RCAN2: variants seen among roughly 807,000 people sequenced by gnomAD.
RCAN2 encodes the protein regulator of calcineurin 2.
RCAN2 carries 9 observed loss-of-function variants against 23.6 expected under a neutral mutation model. That is an observed-to-expected ratio of 0.38 (90% confidence interval 0.23 to 0.67). The LOEUF (loss-of-function observed/expected upper bound fraction) is 0.67, where lower values mean the gene tolerates loss of function less well. Among genes scored for constraint, RCAN2 ranks in the 30% least tolerant of loss-of-function variants. The pLI, the probability that RCAN2 is intolerant of heterozygous loss-of-function variation, is 0.51. For missense variants in RCAN2, 273 were observed against 302.3 expected (o/e 0.90, Z 0.72); for synonymous variants, 109 against 115.7 (o/e 0.94, Z 0.37).
chr6:46,332,355 A>G (rs1396053078), intron 2 of RCAN2, among the ~76,000 whole-genome samples: 1 of 151,938 alleles, frequency 6.6e-6, no homozygotes, highest in Non-Finnish European at 1.5e-5. Context: ...CATGTGCACA[A>G]TGTGCAGGTT....
At chr6:46,291,004 C>A (rs993010498) in intron 2 of RCAN2, among the ~76,000 whole-genome samples, 4 of 152,160 alleles carry the variant, frequency 2.6e-5, no homozygotes, top group Non-Finnish European at 5.9e-5. Context: ...CAAAGTGCAG[C>A]CCATTACCAG....
intron 1 of RCAN2, among the ~76,000 whole-genome samples, chr6:46,469,481 C>G (rs897865036): frequency 6.6e-6 from 1 of 152,122 alleles, no homozygotes; most frequent in South Asian, 2.1e-4. Context: ...AGTAAGATTT[C>G]TGAGGAAAAC....
chr6:46,487,238 T>C (rs977404835), intron 1 of RCAN2, among the ~76,000 whole-genome samples: 1 of 152,166 alleles, frequency 6.6e-6, no homozygotes, highest in Non-Finnish European at 1.5e-5. Context: ...GAAAACTCTG[T>C]GTTGTGGAAT....
intron 2 of RCAN2, among the ~76,000 whole-genome samples, chr6:46,452,842 C>T (rs191492557): frequency 6.8e-4 from 104 of 152,162 alleles, no homozygotes; most frequent in African/African-American, 9.2e-4. Context: ...ATGTAGATGA[C>T]GGGTTGATGG....
chr6:46,263,493 G>A (rs1349998568), intron 2 of RCAN2, among the ~76,000 whole-genome samples: 56 of 124,234 alleles, frequency 4.5e-4, no homozygotes, highest in Admixed American at 4.0e-3. Flanking sequence ...GTGTGTGTGT[G>A]TATGTGTGTA....
intron 1 of RCAN2, among the ~76,000 whole-genome samples, chr6:46,486,890 C>T (rs536581726): frequency 1.3e-5 from 2 of 152,302 alleles, no homozygotes; most frequent in South Asian, 2.1e-4. Context: ...CTCACTTTAT[C>T]ATTTTTAAGG....
chr6:46,302,619 G>T (rs1432245627), intron 2 of RCAN2, among the ~76,000 whole-genome samples: 1 of 152,022 alleles, frequency 6.6e-6, no homozygotes, highest in East Asian at 1.9e-4. Flanking sequence ...CATTTCTAAG[G>T]TTATTTCCTG....
At chr6:46,327,532 T>A (rs950415632) in intron 2 of RCAN2, among the ~76,000 whole-genome samples, 1 of 152,200 alleles carries the variant, frequency 6.6e-6, no homozygotes, top group African/African-American at 2.4e-5. Flanking sequence ...AGGCAGCTTT[T>A]GAAAAGGTAA....
rs560335975 is a variant in RCAN2, at chr6:46,332,993, T to G, written c.226-84097A>C. ...ACGTTGTTTCCTGACTTTTTAATGA[T>G]TGCCATTCTAACTGGTGTGAGATGG... On this transcript the variant is annotated intron_variant, in intron 2 of 4. Transcript: ENST00000371374. Among the ~76,000 whole-genome samples, 13 of 152,342 alleles carry G rather than the reference T, an allele frequency of 8.5e-5. No homozygotes were observed. In the East Asian group the frequency reaches 2.3e-3, roughly 27 times the overall value.
intron 2 of RCAN2, among the ~76,000 whole-genome samples, chr6:46,359,503 C>T (rs1764937815): frequency 6.6e-6 from 1 of 152,206 alleles, no homozygotes; most frequent in African/African-American, 2.4e-5. Flanking sequence ...CTAATTCCAA[C>T]ACTAATTTCA....
At chr6:46,486,751 A>G (rs72866474) in intron 1 of RCAN2, among the ~76,000 whole-genome samples, 3,259 of 152,328 alleles carry the variant, frequency 0.021, 61 homozygotes, top group Non-Finnish European at 0.034. Flanking sequence ...ATAGAAGATC[A>G]GATATGAAAA....
At chr6:46,463,597 A>G (rs1231170126) in intron 1 of RCAN2, among the ~76,000 whole-genome samples, 2 of 152,214 alleles carry the variant, frequency 1.3e-5, no homozygotes, top group East Asian at 3.8e-4. Flanking sequence ...ATTGGAAAAA[A>G]ATACATAAGA....
chr6:46,389,557 T>C (rs1457376505), intron 2 of RCAN2, among the ~76,000 whole-genome samples: 1 of 152,242 alleles, frequency 6.6e-6, no homozygotes, highest in African/African-American at 2.4e-5. Context: ...GATCATGTGC[T>C]AGTCATCTCT....
chr6:46,304,061 G>T (rs942051762), intron 2 of RCAN2, among the ~76,000 whole-genome samples: 1 of 152,056 alleles, frequency 6.6e-6, no homozygotes, highest in African/African-American at 2.4e-5. Flanking sequence ...CCTCCCACTG[G>T]CAACACAGGA....
In RCAN2 at chr6:46,429,750, A is replaced by C. The variant is rs150776445; in HGVS notation, c.225+27002T>G. On this transcript the variant is annotated intron_variant, in intron 2 of 4. Transcript: ENST00000371374. Reference sequence around the variant, plus strand: ...AAGATGTTAGTTAACAATCACATAAAGAAATGGATCATTCATGCTGAGATA... The same window carrying C: ...AAGATGTTAGTTAACAATCACATAACGAAATGGATCATTCATGCTGAGATA... Among the ~76,000 whole-genome samples, 966 of 152,312 alleles carry C rather than the reference A, an allele frequency of 6.3e-3. 9 individuals are homozygous for C. Among genetic ancestry groups the C allele is most frequent in the African/African-American group, 0.023 (939 of 41,568 alleles).
At chr6:46,485,854 A>G (rs150958679) in intron 1 of RCAN2, among the ~76,000 whole-genome samples, 241 of 152,222 alleles carry the variant, frequency 1.6e-3, no homozygotes, top group African/African-American at 5.5e-3. Context: ...CCTGACCCAC[A>G]TTGGTACTGA....
At chr6:46,440,287 ATGGCACGTGTTCCTGGAAGATGTTG>A (rs1425396803) in intron 2 of RCAN2, among the ~76,000 whole-genome samples, 5 of 152,140 alleles carry the variant, frequency 3.3e-5, no homozygotes, top group Non-Finnish European at 7.4e-5. Flanking sequence ...GTGGACCTAG[ATGGCACGTGTTCCTGGAAGATGTTG>A]TTGTCAATTG....
At chr6:46,332,264 A>T (rs1236728354) in intron 2 of RCAN2, among the ~76,000 whole-genome samples, 1 of 151,838 alleles carries the variant, frequency 6.6e-6, no homozygotes, top group Non-Finnish European at 1.5e-5. Context: ...CTTCTCATAC[A>T]TCCTTATTGT....
chr6:46,330,566 G>T (rs1403301378), intron 2 of RCAN2, among the ~76,000 whole-genome samples: 3 of 152,124 alleles, frequency 2.0e-5, no homozygotes, highest in African/African-American at 7.2e-5. Context: ...TCCTGCCAGG[G>T]TTCAAATTTC....
Sources: gnomAD v4.1 joint callset for allele counts (sites outside exome capture counted in the v4.1 genomes callset) on GRCh38, gnomAD v4.1.1 for gene constraint, MANE v1.5 for transcripts, NCBI Gene and HGNC (gene_info 2026-07-23, HGNC 2026-07-21) for gene names.